SERAC1: variants seen among roughly 807,000 people sequenced by gnomAD.
SERAC1 encodes protein SERAC1.
SERAC1 carries 36 observed loss-of-function variants against 85.7 expected under a neutral mutation model. That is an observed-to-expected ratio of 0.42 (90% CI 0.32 to 0.55). The LOEUF (loss-of-function observed/expected upper bound fraction) is 0.55, where lower values mean the gene tolerates loss of function less well. SERAC1 is among the 20% of genes least tolerant of loss of function. The pLI, the probability that SERAC1 is intolerant of heterozygous loss-of-function variation, is 0.11. For synonymous variants in SERAC1, 242 were observed against 265.3 expected (o/e 0.91, Z 0.85); for missense variants, 629 against 796.2 (o/e 0.79, Z 2.53).
At chr6:158,128,356 G>A in intron 9 of SERAC1, 86 bp from the exon 10 acceptor site, 1 of 1,340,250 alleles carries the variant, frequency 7.5e-7, no homozygotes, top group East Asian at 2.3e-5. Context: ...GGGACAGCTA[G>A]GTAGCTCCCA....
intron 14 of SERAC1, among the ~76,000 whole-genome samples, 174 bp downstream of exon 14, chr6:158,116,011 G>A (rs895037715): frequency 1.7e-4 from 26 of 152,206 alleles, no homozygotes; most frequent in African/African-American, 5.8e-4. Flanking sequence ...GGAACAGCAT[G>A]GAACAAGAGT....
rs533582617 is a variant in SERAC1, at chr6:158,113,494, T to C, written c.1783A>G (p.Ile595Val). ...LNFVETLPTY[I>V]GSMIKLHVVP... ...ACATGGAGCTTAATCATGCTGCCAA[T>C]GTAGGTTGGTAGTGTTTCCACAAAA... The change falls in exon 16 of 17, where the codon ATT becomes GTT. Residue 595 changes from isoleucine (I) to valine (V), a missense_variant. Coordinates refer to ENST00000647468, the MANE Select transcript of SERAC1 (RefSeq NM_032861.4). 3.7e-6 allele frequency: 6 copies of C among 1,613,986 alleles called. No individual in the cohort carries two copies. In the East Asian group the frequency reaches 1.1e-4, roughly 30 times the overall value.
chr6:158,124,297 G>T (rs999285537), intron 10 of SERAC1, among the ~76,000 whole-genome samples: 2 of 151,886 alleles, frequency 1.3e-5, no homozygotes, highest in Middle Eastern at 3.2e-3. Context: ...ATAATGAATA[G>T]AATCTCAATA....
In SERAC1 at chr6:158,148,885, A is replaced by ATCT. The variant is rs1785135345; in HGVS notation, c.332_334dup (p.Lys111dup). 1 of 1,611,924 alleles carries ATCT rather than the reference A, an allele frequency of 6.2e-7. No homozygotes were observed. Among genetic ancestry groups the ATCT allele is most frequent in the African/African-American group, 1.3e-5 (1 of 74,902 alleles). ...TTTACCAGCAAATGGATTCCGCAGT[A>ATCT]TCTTGGCTGATGTTGCCAATACTTT... On this transcript the variant is annotated inframe_insertion, in exon 5 of 17. Coordinates refer to ENST00000647468, the MANE Select transcript of SERAC1 (RefSeq NM_032861.4).
At chr6:158,137,860 C>T (rs1357598448) in intron 8 of SERAC1, among the ~76,000 whole-genome samples, 2 of 151,956 alleles carry the variant, frequency 1.3e-5, no homozygotes, top group Non-Finnish European at 2.9e-5. Flanking sequence ...ACCTGGGTGA[C>T]AGAGTGAGAC....
chr6:158,117,547 T>C lies in SERAC1; in HGVS notation c.1403+180A>G. On this transcript the variant is annotated intron_variant, in intron 13 of 16. Transcript: ENST00000647468. The surrounding 1 kb of genome is among the most constrained non-coding windows in gnomAD (Gnocchi z 4.3). ...GGTGATATACCTAAGCCTTCTACTATTCCACTGCTTATTGACAGCAAACTC... is the reference window on the plus strand; with the variant it reads ...GGTGATATACCTAAGCCTTCTACTACTCCACTGCTTATTGACAGCAAACTC... 6.4e-7 allele frequency: 1 copy of C among 1,550,816 alleles called. No individual in the cohort carries two copies. Among genetic ancestry groups the C allele is most frequent in the Non-Finnish European group, 8.7e-7 (1 of 1,146,986 alleles).
chr6:158,127,025 C>T (rs2128414664), intron 10 of SERAC1, among the ~76,000 whole-genome samples: 1 of 149,686 alleles, frequency 6.7e-6, no homozygotes, highest in South Asian at 2.1e-4. Context: ...TGCACTCTAG[C>T]TTCAGCAACA....
At position 158,119,164 on chromosome 6, in the gene SERAC1, G is replaced by C; in HGVS notation, c.1173C>G (p.Pro391=). The change falls in exon 12 of 17, where the codon CCC becomes CCG. Residue 391 remains proline, a synonymous_variant. Coordinates refer to ENST00000647468, the MANE Select transcript of SERAC1 (RefSeq NM_032861.4). This position sits in a 1 kb window ranked among gnomAD's most constrained non-coding sequence, Gnocchi z 4.5. ...GAATAAAAAGGACATCTGCTTTAATGGGCTGACTAATAGGGGAGAGAGTTT... is the reference window on the plus strand; with the variant it reads ...GAATAAAAAGGACATCTGCTTTAATCGGCTGACTAATAGGGGAGAGAGTTT... ...VLHPQYRTSQ[P]IKADVLFIHG... 6.2e-7 allele frequency: 1 copy of C among 1,609,846 alleles called. No homozygotes were observed. Among genetic ancestry groups the C allele is most frequent in the Non-Finnish European group, 8.5e-7 (1 of 1,177,704 alleles).
intron 6 of SERAC1, among the ~76,000 whole-genome samples, chr6:158,145,009 C>T (rs1583592616): frequency 6.6e-6 from 1 of 152,100 alleles, no homozygotes; most frequent in African/African-American, 2.4e-5. Context: ...TTTGGGAAGC[C>T]GAGGCGGGCG....
intron 8 of SERAC1, among the ~76,000 whole-genome samples, chr6:158,139,743 C>T (rs1209841318): frequency 6.6e-6 from 1 of 151,950 alleles, no homozygotes; most frequent in African/African-American, 2.4e-5. Context: ...ATCTCAAAAA[C>T]AAAAACAAAA....
In SERAC1 at chr6:158,160,493, C is replaced by T. The variant is rs575314283; in HGVS notation, c.-1-2129G>A. Among the ~76,000 whole-genome samples, 3 of 152,188 alleles carry T rather than the reference C, an allele frequency of 2.0e-5. No homozygotes were observed. The South Asian group carries it at 6.2e-4, about 32-fold the overall frequency. On this transcript the variant is annotated intron_variant, in intron 1 of 16. Transcript: ENST00000647468. ...TCATCACATACTATCTTCCTTTATC[C>T]CTATTAACATTTATTGCTTTAAGTT...
At chr6:158,123,250 T>G (rs773669835) in intron 10 of SERAC1, among the ~76,000 whole-genome samples, 3 of 152,136 alleles carry the variant, frequency 2.0e-5, no homozygotes, top group Non-Finnish European at 4.4e-5. Flanking sequence ...CTTCCTCCAA[T>G]GTATGTGATC....
intron 3 of SERAC1, chr6:158,152,690 T>C (rs570269125): frequency 5.9e-5 from 9 of 152,338 alleles, no homozygotes; most frequent in African/African-American, 2.2e-4. Context: ...TTTTATTTAC[T>C]GTACCTTTTT....
At chr6:158,147,602 T>C (rs1158698992) in intron 5 of SERAC1, among the ~76,000 whole-genome samples, 2 of 98,940 alleles carry the variant, frequency 2.0e-5, no homozygotes, top group Admixed American at 1.3e-4. Context: ...CTACTAAAAA[T>C]ACAAAAAAAA....
chr6:158,114,603 T>C, intron 15 of SERAC1, 186 bp downstream of exon 15: 1 of 1,301,022 alleles, frequency 7.7e-7, no homozygotes. Flanking sequence ...AAATAATGGC[T>C]TAAGAACAAA....
intron 10 of SERAC1, among the ~76,000 whole-genome samples, chr6:158,123,586 C>A (rs1475076800): frequency 2.0e-5 from 3 of 152,166 alleles, no homozygotes; most frequent in Non-Finnish European, 2.9e-5. Flanking sequence ...AACATAATTG[C>A]TGAGCAATAT....
At chr6:158,157,483 G>A (rs187686858) in intron 2 of SERAC1, among the ~76,000 whole-genome samples, 5 of 152,258 alleles carry the variant, frequency 3.3e-5, no homozygotes, top group Non-Finnish European at 7.4e-5. Context: ...ACTCCATGAG[G>A]AAAAGGACTT....
intron 7 of SERAC1, 150 bp from the exon 8 acceptor site, chr6:158,143,334 T>G (rs1243467241): frequency 4.2e-5 from 5 of 117,650 alleles, no homozygotes; most frequent in African/African-American, 3.0e-4. Context: ...TCTCTCTCTC[T>G]CTCTCTCTCT....
intron 8 of SERAC1, among the ~76,000 whole-genome samples, chr6:158,131,574 A>G (rs749807012): frequency 6.6e-6 from 1 of 151,746 alleles, no homozygotes; most frequent in Non-Finnish European, 1.5e-5. Flanking sequence ...AAAGGACACT[A>G]AGAAGCTACA....
Sources: allele counts gnomAD v4.1 joint callset (sites outside exome capture counted in the v4.1 genomes callset), GRCh38; gene constraint gnomAD v4.1.1; non-coding constraint Gnocchi (gnomAD v3.1); transcripts MANE v1.5; gene names NCBI Gene and HGNC (gene_info 2026-07-23, HGNC 2026-07-21).